Variants in ADAMTSL1 observed in about 807,000 individuals in gnomAD.
ADAMTSL1 encodes the protein ADAMTS like 1, also known as ADAMTS-like protein 1.
In ADAMTSL1, 126 loss-of-function variants were observed where a neutral mutation model predicts 201.8. The observed-to-expected ratio is 0.62, with a 90% CI of 0.54 to 0.72. The LOEUF is 0.72. Ranked by LOEUF, ADAMTSL1 falls within the 30% of genes least tolerant of loss-of-function variation. The probability of loss-of-function intolerance (pLI) is 0.00; values close to 1 mark genes in which losing one functional copy is unlikely to be tolerated. For missense variants in ADAMTSL1, 2,679 were observed against 2,277.8 expected (o/e 1.18, Z -3.59); for synonymous variants, 1,121 against 903.4 (o/e 1.24, Z -4.32).
chr9:18,243,962 A>G (rs1831162823), intron 2 of ADAMTSL1, among the ~76,000 whole-genome samples: 1 of 152,112 alleles, frequency 6.6e-6, no homozygotes, highest in Non-Finnish European at 1.5e-5. Context: ...CTCTTCTTCA[A>G]TGAGATGTCA....
At chr9:18,240,145 T>C (rs1831006927) in intron 2 of ADAMTSL1, among the ~76,000 whole-genome samples, 1 of 152,174 alleles carries the variant, frequency 6.6e-6, no homozygotes, top group Admixed American at 6.5e-5. Context: ...AATTATAATC[T>C]ATGGCAGTTT....
intron 2 of ADAMTSL1, among the ~76,000 whole-genome samples, chr9:18,220,973 C>T (rs561572877): frequency 6.6e-6 from 1 of 152,122 alleles, no homozygotes; most frequent in African/African-American, 2.4e-5. Context: ...CAGGGTTTTG[C>T]CATGTTGCCC....
intron 1 of ADAMTSL1, among the ~76,000 whole-genome samples, chr9:18,100,236 C>G (rs367984943): frequency 1.3e-5 from 2 of 152,102 alleles, no homozygotes; most frequent in East Asian, 3.9e-4. Context: ...GGGAGTTGAC[C>G]GTATTATTTT....
chr9:17,959,529 G>A (rs1022633968), intron 1 of ADAMTSL1, among the ~76,000 whole-genome samples: 3 of 152,064 alleles, frequency 2.0e-5, no homozygotes, highest in Non-Finnish European at 4.4e-5. Context: ...TGCATTTTCA[G>A]CTCACTGCAA....
At chr9:18,092,411 G>T (rs77700559) in intron 1 of ADAMTSL1, among the ~76,000 whole-genome samples, 1 of 152,310 alleles carries the variant, frequency 6.6e-6, no homozygotes, top group South Asian at 2.1e-4. Flanking sequence ...CAGCAATATA[G>T]TTGAATTAGG....
intron 19 of ADAMTSL1, among the ~76,000 whole-genome samples, chr9:18,794,439 C>A (rs894946664): frequency 1.3e-5 from 2 of 150,746 alleles, no homozygotes; most frequent in African/African-American, 2.4e-5. Flanking sequence ...CAAAAAAAAA[C>A]AAACCTGAGT....
intron 23 of ADAMTSL1, among the ~76,000 whole-genome samples, chr9:18,860,993 A>T (rs1381146638): frequency 6.6e-6 from 1 of 152,208 alleles, no homozygotes; most frequent in Non-Finnish European, 1.5e-5. Context: ...TCCATTCGTT[A>T]TGCAGAGATC....
intron 7 of ADAMTSL1, among the ~76,000 whole-genome samples, chr9:18,652,199 C>G (rs575465334): frequency 3.3e-5 from 5 of 151,694 alleles, no homozygotes; most frequent in Admixed American, 1.3e-4. Flanking sequence ...TGGTGAAACC[C>G]CATCTCTACT....
intron 1 of ADAMTSL1, among the ~76,000 whole-genome samples, chr9:17,917,861 G>T (rs962542172): frequency 1.3e-5 from 2 of 151,856 alleles, no homozygotes; most frequent in Non-Finnish European, 2.9e-5. Context: ...TAGATATGGG[G>T]CTATTAGGGT....
At chr9:18,182,287 A>T (rs77145064) in intron 2 of ADAMTSL1, among the ~76,000 whole-genome samples, 16 of 145,634 alleles carry the variant, frequency 1.1e-4, no homozygotes, top group Middle Eastern at 3.6e-3. Flanking sequence ...TTAAAGTATA[A>T]AAAAAAAAAA....
At chr9:18,024,064 T>A (rs1820591240) in intron 1 of ADAMTSL1, among the ~76,000 whole-genome samples, 1 of 152,126 alleles carries the variant, frequency 6.6e-6, no homozygotes, top group African/African-American at 2.4e-5. Flanking sequence ...CAGTTATCAT[T>A]TTGTATCTGG....
intron 2 of ADAMTSL1, among the ~76,000 whole-genome samples, chr9:18,203,873 C>T (rs1323319204): frequency 6.6e-6 from 1 of 152,098 alleles, no homozygotes; most frequent in African/African-American, 2.4e-5. Context: ...TTTTGTCCTA[C>T]ATTTCAGTGT....
At chr9:18,075,716 C>G (rs1823189736) in intron 1 of ADAMTSL1, among the ~76,000 whole-genome samples, 1 of 152,170 alleles carries the variant, frequency 6.6e-6, no homozygotes, top group Non-Finnish European at 1.5e-5. Flanking sequence ...TGGCCCCAAG[C>G]CCACCCTGGG....
intron 1 of ADAMTSL1, among the ~76,000 whole-genome samples, chr9:18,477,304 C>T (rs1191051867): frequency 1.3e-5 from 2 of 152,184 alleles, no homozygotes; most frequent in East Asian, 3.9e-4. Context: ...AGCTCTTTTG[C>T]CTGCTATTGT....
At chr9:18,591,205 G>T (rs1823893253) in intron 4 of ADAMTSL1, among the ~76,000 whole-genome samples, 1 of 152,134 alleles carries the variant, frequency 6.6e-6, no homozygotes, top group Non-Finnish European at 1.5e-5. Context: ...ATGTGCTAGT[G>T]TTGGGTGCAT....
At chr9:18,903,313 C>T (rs1830114562) in intron 26 of ADAMTSL1, among the ~76,000 whole-genome samples, 1 of 152,132 alleles carries the variant, frequency 6.6e-6, no homozygotes, top group Non-Finnish European at 1.5e-5. Context: ...AAATGAACTT[C>T]AGTTATATAC....
At chr9:18,199,620 G>A (rs1829347558) in intron 2 of ADAMTSL1, among the ~76,000 whole-genome samples, 1 of 152,054 alleles carries the variant, frequency 6.6e-6, no homozygotes, top group Non-Finnish European at 1.5e-5. Flanking sequence ...ACCTCCTGTG[G>A]CTTAAAGTCC....
chr9:17,978,139 A>G (rs900906476), intron 1 of ADAMTSL1, among the ~76,000 whole-genome samples: 1 of 151,838 alleles, frequency 6.6e-6, no homozygotes. Context: ...TTTAGTTTTC[A>G]TTTGTATGGA....
intron 2 of ADAMTSL1, among the ~76,000 whole-genome samples, chr9:18,347,687 A>G (rs1273131787): frequency 6.6e-6 from 1 of 152,174 alleles, no homozygotes; most frequent in Admixed American, 6.5e-5. Context: ...CATGTCCTAG[A>G]ATATTGAACT....
Sources: gnomAD v4.1 joint callset for allele counts (sites outside exome capture counted in the v4.1 genomes callset) on GRCh38, gnomAD v4.1.1 for gene constraint, MANE v1.5 for transcripts, NCBI Gene and HGNC (gene_info 2026-07-23, HGNC 2026-07-21) for gene names.